Variants in SEMA4F observed in about 807,000 individuals in gnomAD.
SEMA4F encodes semaphorin-4F.
Under a neutral mutation model 78.4 loss-of-function variants are expected in SEMA4F, and 51 were observed. That is an observed-to-expected ratio of 0.65 (90% CI 0.52 to 0.82). SEMA4F has a LOEUF of 0.82. Ranked by LOEUF, SEMA4F falls within the 40% of genes least tolerant of loss-of-function variation. The probability of loss-of-function intolerance (pLI) is 0.00; values close to 1 mark genes in which losing one functional copy is unlikely to be tolerated. For synonymous variants in SEMA4F, 418 were observed against 408.7 expected (o/e 1.02, Z -0.27); for missense variants, 938 against 1,014.4 (o/e 0.92, Z 1.02).
intron 5 of SEMA4F, among the ~76,000 whole-genome samples, chr2:74,667,767 G>A (rs77287156): frequency 0.024 from 3,680 of 152,184 alleles, 129 homozygotes; most frequent in African/African-American, 0.074. Context: ...TTTGTCTTCT[G>A]CTCATTCTTA....
At chr2:74,693,521 G>A in the SEMA4F span, among the ~76,000 whole-genome samples, 201 of 152,332 alleles carry the variant, frequency 1.3e-3, no homozygotes, top group Non-Finnish European at 2.5e-3. Flanking sequence ...TAAGAGGATA[G>A]GATGGATGTT....
chr2:74,654,403 C>T lies in SEMA4F; in HGVS notation c.27C>T (p.Arg9=), dbSNP rs1684002402. ...TGCCGGCCTCTGCTGCGCGGCCCCG[C>T]CCGGGTCCCGGGCAGCCTACAGCCT... MPASAARP[R]PGPGQPTASP... is the part of the protein sequence containing the mutation. The change falls in exon 1 of 14, where the codon CGC becomes CGT. Residue 9 remains arginine, a synonymous_variant. Coordinates refer to ENST00000357877, the MANE Select transcript of SEMA4F (RefSeq NM_004263.5). 1.1e-5 allele frequency: 17 copies of T among 1,530,790 alleles called. No homozygotes were observed. The highest frequency in any genetic ancestry group is 2.9e-5 in the African/African-American group (2 of 70,026). The allele number at this position is 1,530,790 out of a possible 1,614,324, so 94.8% of individuals were successfully genotyped here.
chr2:74,678,265 G>C (rs1041067513), intron 12 of SEMA4F, among the ~76,000 whole-genome samples: 1 of 152,174 alleles, frequency 6.6e-6, no homozygotes, highest in African/African-American at 2.4e-5. Context: ...GTGGTGGGGA[G>C]TGTGGGCTGT....
chr2:74,696,976 A>G, the SEMA4F span, among the ~76,000 whole-genome samples: 1 of 152,202 alleles, frequency 6.6e-6, no homozygotes, highest in Admixed American at 6.5e-5. Context: ...TACATATGTC[A>G]TCTCATAAGA....
Position 74,683,744 on chromosome 2 carries a change from A to G in SEMA4F, c.*3535A>G, listed in dbSNP as rs938022715. On this transcript the variant is annotated 3_prime_UTR_variant, in exon 14 of 14. Coordinates refer to ENST00000357877, the MANE Select transcript of SEMA4F (RefSeq NM_004263.5). ...TGGATTCATGTGGAATTCTTGGGAG[A>G]GGGATGACCACCCTGAAGATGGCTG... 2.6e-5 allele frequency: 4 copies of G among 152,162 alleles called. No homozygotes were observed. Among genetic ancestry groups the G allele is most frequent in the Non-Finnish European group, 5.9e-5 (4 of 68,034 alleles). The allele number at this position is 152,162 out of a possible 1,614,324, so 9.4% of individuals were successfully genotyped here. A position where few individuals can be genotyped will look rare whatever the true frequency, so the allele number is the denominator to read the frequency against.
intron 12 of SEMA4F, among the ~76,000 whole-genome samples, chr2:74,677,455 A>G (rs1685358486): frequency 6.6e-6 from 1 of 152,172 alleles, no homozygotes; most frequent in Non-Finnish European, 1.5e-5. Flanking sequence ...CCATATTACC[A>G]TTATCATACC....
At position 74,657,935 on chromosome 2, in the gene SEMA4F, C is replaced by T. The variant is rs775987084; in HGVS notation, c.440C>T (p.Pro147Leu). 34 of 1,614,070 alleles carry T rather than the reference C, an allele frequency of 2.1e-5. No homozygotes were observed. The Middle Eastern group carries it at 6.6e-4, about 31-fold the overall frequency. The stretch of plus-strand genomic sequence containing the variant: ...ACTTGTGGCACCTTCGCTTTTGATC[C>T]GAAGTGCGGGGTTATTGTGAGTGAC... ...LLTCGTFAFDPKCGVIDVSRF... is the reference protein window; with the variant it reads ...LLTCGTFAFDLKCGVIDVSRF... The change falls in exon 4 of 14, where the codon CCG becomes CTG. Residue 147 changes from proline (P) to leucine (L), a missense_variant. By Grantham distance (98) the Pro-to-Leu change is moderately conservative. Coordinates refer to ENST00000357877, the MANE Select transcript of SEMA4F (RefSeq NM_004263.5).
At chr2:74,695,609 G>A in the SEMA4F span, among the ~76,000 whole-genome samples, 1 of 152,204 alleles carries the variant, frequency 6.6e-6, no homozygotes, top group African/African-American at 2.4e-5. Context: ...ACAGGACGCT[G>A]TATTAAACTC....
chr2:74,704,921 T>C, the SEMA4F span, among the ~76,000 whole-genome samples: 1 of 152,146 alleles, frequency 6.6e-6, no homozygotes. Context: ...CTCCTATGCG[T>C]TTGGTCCTCC....
chr2:74,692,791 GGT>G, the SEMA4F span, among the ~76,000 whole-genome samples: 9 of 152,250 alleles, frequency 5.9e-5, no homozygotes, highest in African/African-American at 1.9e-4. Flanking sequence ...TTTTCACAAA[GGT>G]GGGAGTGAGT....
chr2:74,670,530 T>C (rs890948928), intron 5 of SEMA4F, among the ~76,000 whole-genome samples: 1 of 152,260 alleles, frequency 6.6e-6, no homozygotes, highest in African/African-American at 2.4e-5. Context: ...GACCTCTATC[T>C]ACTGCTGTGT....
the SEMA4F span, among the ~76,000 whole-genome samples, chr2:74,692,316 C>T: frequency 8.5e-5 from 13 of 152,082 alleles, no homozygotes; most frequent in African/African-American, 1.7e-4. Flanking sequence ...CCAACAGAAA[C>T]GAGGTAGCAG....
At position 74,666,760 on chromosome 2, in the gene SEMA4F, C is replaced by T. The variant is rs535187693; in HGVS notation, c.550+3935C>T. On this transcript the variant is annotated intron_variant, in intron 5 of 13. Transcript: ENST00000357877. ...TTATATAATCATTAGAACCAAAATTCCCAATTAGGTTCTGTAAAAATGTCC... is the reference window on the plus strand; with the variant it reads ...TTATATAATCATTAGAACCAAAATTTCCAATTAGGTTCTGTAAAAATGTCC... 2.6e-5 allele frequency among the ~76,000 whole-genome samples: 4 copies of T among 152,092 alleles called. No homozygotes were observed. The South Asian group carries it at 8.3e-4, about 32-fold the overall frequency.
intron 4 of SEMA4F, among the ~76,000 whole-genome samples, chr2:74,662,289 CT>C (rs1356633320): frequency 6.6e-6 from 1 of 152,178 alleles, no homozygotes; most frequent in Non-Finnish European, 1.5e-5. Flanking sequence ...TCAGCCTGCA[CT>C]TTTCTTTGTC....
At chr2:74,674,400 T>C in intron 7 of SEMA4F, 98 bp from the exon 8 acceptor site, 1 of 1,086,042 alleles carries the variant, frequency 9.2e-7, no homozygotes, top group Non-Finnish European at 1.3e-6. Context: ...CATCTGTCTG[T>C]CTGCCCTGAA....
chr2:74,687,663 A>G (rs1573280595), downstream of SEMA4F, among the ~76,000 whole-genome samples: 1 of 152,330 alleles, frequency 6.6e-6, no homozygotes, highest in East Asian at 1.9e-4. Context: ...GTAGGAGGCC[A>G]CTTAGCTCCC....
intron 5 of SEMA4F, among the ~76,000 whole-genome samples, chr2:74,669,476 T>C (rs973845854): frequency 6.6e-6 from 1 of 150,718 alleles, no homozygotes; most frequent in African/African-American, 2.4e-5. Flanking sequence ...TCCCAGCTAC[T>C]TGGGAGGCTG....
rs745558081 is a variant in SEMA4F at position 74,679,753 on chromosome 2, C to G, written c.1857C>G (p.Thr619=). The change falls in exon 14 of 14, where the codon ACC becomes ACG. Residue 619 remains threonine (T), a synonymous_variant. Transcript: ENST00000357877. ...GGGATGGACTGGAGGTGGTGGTGACCCCAGGGGCCATGGGCGCTTATGCCT... is the reference window on the plus strand; with the variant it reads ...GGGATGGACTGGAGGTGGTGGTGACGCCAGGGGCCATGGGCGCTTATGCCT... The part of the protein sequence containing the change: ...PRRDGLEVVV[T]PGAMGAYACE... 6.2e-7 allele frequency: 1 copy of G among 1,614,164 alleles called. No individual in the cohort carries two copies. The highest frequency in any genetic ancestry group is 1.1e-5 in the South Asian group (1 of 91,090).
At chr2:74,671,216 A>C (rs1684968499) in intron 5 of SEMA4F, among the ~76,000 whole-genome samples, 1 of 152,244 alleles carries the variant, frequency 6.6e-6, no homozygotes, top group African/African-American at 2.4e-5. Context: ...ATAATGGAAT[A>C]GTCTCACTTC....
Sources: allele counts gnomAD v4.1 joint callset (sites outside exome capture counted in the v4.1 genomes callset), GRCh38; gene constraint gnomAD v4.1.1; transcripts MANE v1.5; gene names NCBI Gene and HGNC (gene_info 2026-07-23, HGNC 2026-07-21).